Variants in GPC5 observed in about 807,000 individuals in gnomAD.
GPC5 encodes the protein glypican-5.
GPC5 carries 47 observed loss-of-function variants against 53.9 expected under a neutral mutation model. The ratio of observed to expected loss-of-function variants is 0.87; its 90% CI spans 0.69 to 1.11. The LOEUF (loss-of-function observed/expected upper bound fraction) is 1.11. Among genes scored for constraint, GPC5 ranks in the 50% most tolerant of loss-of-function variants. GPC5 has a pLI of 0.00. For synonymous variants in GPC5, 286 were observed against 263.3 expected, an observed-to-expected ratio of 1.09 and a Z score of -0.84; for missense variants, 748 against 713.1, an observed-to-expected ratio of 1.05 and a Z score of -0.56.
intron 7 of GPC5, among the ~76,000 whole-genome samples, chr13:92,628,264 C>CTTTCTTTTTTTTTTT (rs1885115304): frequency 2.2e-5 from 1 of 45,338 alleles, no homozygotes; most frequent in Non-Finnish European, 4.3e-5. Context: ...CTTTTTCTTT[C>CTTTCTTTTTTTTTTT]TTTTTTTTTT....
At chr13:92,827,492 C>T (rs1440893616) in intron 7 of GPC5, among the ~76,000 whole-genome samples, 1 of 152,040 alleles carries the variant, frequency 6.6e-6, no homozygotes, top group South Asian at 2.1e-4. Flanking sequence ...AGATAGAGAT[C>T]AGGTAGGTCA....
chr13:92,350,250 A>G (rs2043464648), intron 7 of GPC5, among the ~76,000 whole-genome samples: 3 of 152,136 alleles, frequency 2.0e-5, no homozygotes, highest in Admixed American at 2.0e-4. Flanking sequence ...ATTTAAGGCC[A>G]TATATGAGAA....
At chr13:92,167,786 G>T (rs1294662396) in intron 7 of GPC5, among the ~76,000 whole-genome samples, 1 of 151,710 alleles carries the variant, frequency 6.6e-6, no homozygotes, top group African/African-American at 2.4e-5. Flanking sequence ...TTCAGAAAAG[G>T]TCATCTGTTG....
chr13:92,102,947 C>G (rs2041478839), intron 6 of GPC5, among the ~76,000 whole-genome samples: 1 of 152,190 alleles, frequency 6.6e-6, no homozygotes, highest in South Asian at 2.1e-4. Flanking sequence ...ACTGTAGCCT[C>G]AACCTCCCAG....
intron 5 of GPC5, among the ~76,000 whole-genome samples, chr13:91,849,024 A>G (rs2038883447): frequency 6.6e-6 from 1 of 152,198 alleles, no homozygotes; most frequent in Non-Finnish European, 1.5e-5. Flanking sequence ...CAGATCGACA[A>G]CTGCCGTGGA....
intron 6 of GPC5, among the ~76,000 whole-genome samples, chr13:91,943,489 T>C (rs77612210): frequency 0.01 from 1,549 of 152,240 alleles, 33 homozygotes; most frequent in African/African-American, 0.036. Flanking sequence ...TAAGATGGAA[T>C]TGAGTTTGGT....
At chr13:92,786,909 G>T (rs557564755) in intron 7 of GPC5, among the ~76,000 whole-genome samples, 4 of 152,116 alleles carry the variant, frequency 2.6e-5, no homozygotes, top group Non-Finnish European at 5.9e-5. Flanking sequence ...CAGGCAAAGG[G>T]ATCCAGGCTC....
chr13:92,101,652 A>C (rs893328269), intron 6 of GPC5, among the ~76,000 whole-genome samples: 1 of 152,184 alleles, frequency 6.6e-6, no homozygotes, highest in African/African-American at 2.4e-5. Flanking sequence ...TATGCACACT[A>C]CCTCAAGTCA....
chr13:91,998,895 C>T (rs9583985), intron 6 of GPC5, among the ~76,000 whole-genome samples: 1 of 152,080 alleles, frequency 6.6e-6, no homozygotes, highest in East Asian at 1.9e-4. Flanking sequence ...CTGAACTGTC[C>T]ATTCAAAGGG....
At chr13:92,763,732 G>C (rs879796629) in intron 7 of GPC5, among the ~76,000 whole-genome samples, 7 of 152,146 alleles carry the variant, frequency 4.6e-5, no homozygotes, top group Admixed American at 3.9e-4. Flanking sequence ...TGATTCTGAG[G>C]CACGCTCTAG....
chr13:92,498,327 A>G (rs1356909364), intron 7 of GPC5, among the ~76,000 whole-genome samples: 2 of 152,108 alleles, frequency 1.3e-5, no homozygotes, highest in African/African-American at 4.8e-5. Context: ...CACATGTGCC[A>G]TATGTTTACT....
At chr13:91,528,132 G>T (rs1415014283) in intron 2 of GPC5, among the ~76,000 whole-genome samples, 1 of 152,152 alleles carries the variant, frequency 6.6e-6, no homozygotes, top group East Asian at 1.9e-4. Context: ...CCCAGAAAAT[G>T]GGTTTTTCTT....
chr13:92,395,293 A>C (rs1371448070), intron 7 of GPC5, among the ~76,000 whole-genome samples: 1 of 152,124 alleles, frequency 6.6e-6, no homozygotes, highest in African/African-American at 2.4e-5. Flanking sequence ...GTTGTCCTAG[A>C]CTTTCCGATA....
chr13:92,625,359 G>A (rs1885013800), intron 7 of GPC5, among the ~76,000 whole-genome samples: 1 of 152,064 alleles, frequency 6.6e-6, no homozygotes, highest in Non-Finnish European at 1.5e-5. Flanking sequence ...TTTAAAAAAT[G>A]TTGCAGAGGA....
intron 7 of GPC5, among the ~76,000 whole-genome samples, chr13:92,249,660 C>G (rs1415442338): frequency 6.6e-6 from 1 of 151,908 alleles, no homozygotes; most frequent in Non-Finnish European, 1.5e-5. Context: ...TGATGGCATG[C>G]TCAATGGTTT....
intron 2 of GPC5, among the ~76,000 whole-genome samples, chr13:91,690,276 A>G (rs1271209797): frequency 6.6e-6 from 1 of 152,202 alleles, no homozygotes; most frequent in East Asian, 1.9e-4. Flanking sequence ...GAAAAGTTTT[A>G]AAATTTCACT....
Position 92,867,173 on chromosome 13 carries a change from G to A in GPC5, c.*734G>A, listed in dbSNP as rs190115942. The A allele has an allele frequency of 1.2e-4, 18 of 152,172 alleles. No homozygotes were observed. The highest frequency in any genetic ancestry group is 9.7e-4 in the East Asian group (5 of 5,170). The allele number at this position is 152,172 out of a possible 1,614,324, so 9.4% of individuals were successfully genotyped here. On this transcript the variant is annotated 3_prime_UTR_variant, in exon 8 of 8. Transcript: ENST00000377067. The stretch of plus-strand genomic sequence containing the variant: ...CTCTTTGCCTCATAGATTTAGCTAT[G>A]TTGGGAAGCACATGCTTGCTCTAGG...
At chr13:91,641,200 C>T (rs958657738) in intron 2 of GPC5, among the ~76,000 whole-genome samples, 4 of 151,542 alleles carry the variant, frequency 2.6e-5, no homozygotes, top group Non-Finnish European at 4.4e-5. Flanking sequence ...TGGTGGCGGG[C>T]GCCTGTAGTC....
chr13:91,914,339 A>T (rs936929841), intron 6 of GPC5, among the ~76,000 whole-genome samples: 2 of 152,230 alleles, frequency 1.3e-5, no homozygotes, highest in Non-Finnish European at 2.9e-5. Context: ...GTGTTGTTAA[A>T]AGTAGTAGAT....
Sources: allele counts gnomAD v4.1 joint callset (sites outside exome capture counted in the v4.1 genomes callset), GRCh38; gene constraint gnomAD v4.1.1; transcripts MANE v1.5; gene names NCBI Gene and HGNC (gene_info 2026-07-23, HGNC 2026-07-21).